Variants in CCDC192 observed in about 807,000 individuals in gnomAD.
CCDC192 encodes the protein coiled-coil domain-containing protein 192.
At position 127,927,920 on chromosome 5, in the gene CCDC192, C is replaced by G. The variant is rs115631355; in HGVS notation, c.536-13262C>G. On this transcript the variant is annotated intron_variant, in intron 6 of 6. Transcript: ENST00000514853. ...TAACAGTAGCTTAAAATGACACAAA[C>G]TTGTGATCTTATAGTTCTTTTTTTT... Among the ~76,000 whole-genome samples the G allele has an allele frequency of 5.1e-3, 759 of 148,274 alleles. 8 individuals carry two copies. The highest frequency in any genetic ancestry group is 0.018 in the African/African-American group (726 of 40,508).
intron 5 of CCDC192, among the ~76,000 whole-genome samples, chr5:127,801,779 G>T (rs12520720): frequency 0.16 from 24,205 of 152,130 alleles, 4,314 homozygotes; most frequent in African/African-American, 0.42. Context: ...CAGAGTTCAT[G>T]TGAGCAAAGA....
intron 2 of CCDC192, among the ~76,000 whole-genome samples, chr5:127,735,315 G>GT (rs1371770632): frequency 7.1e-6 from 1 of 141,356 alleles, no homozygotes; most frequent in Non-Finnish European, 1.5e-5. Flanking sequence ...GTACCATGCT[G>GT]TTTTGGTTAC....
intron 5 of CCDC192, among the ~76,000 whole-genome samples, chr5:127,802,148 T>G (rs1757538054): frequency 6.6e-6 from 1 of 152,218 alleles, no homozygotes; most frequent in African/African-American, 2.4e-5. Flanking sequence ...TGACATTATC[T>G]GTTTATATAT....
intron 2 of CCDC192, among the ~76,000 whole-genome samples, chr5:127,746,833 A>G (rs868495360): frequency 1.3e-5 from 2 of 152,034 alleles, no homozygotes; most frequent in Non-Finnish European, 2.9e-5. Flanking sequence ...CCCTCCTCCC[A>G]TAGAATTCTG....
intron 6 of CCDC192, among the ~76,000 whole-genome samples, chr5:127,883,145 C>G (rs1158010177): frequency 6.6e-6 from 1 of 152,200 alleles, no homozygotes; most frequent in African/African-American, 2.4e-5. Context: ...TCCCTACTCT[C>G]TACTATGTCC....
chr5:127,842,129 T>C (rs1750318083), intron 5 of CCDC192, among the ~76,000 whole-genome samples: 1 of 152,274 alleles, frequency 6.6e-6, no homozygotes, highest in Non-Finnish European at 1.5e-5. Flanking sequence ...ATGCATTCCC[T>C]GCAGTGCCCC....
rs1757205895 is a variant in CCDC192, at chr5:127,797,135, G to A, written c.255G>A (p.Leu85=). 2.5e-6 allele frequency: 1 copy of A among 398,188 alleles called. No individual in the cohort carries two copies. Among genetic ancestry groups the A allele is most frequent in the Non-Finnish European group, 4.4e-6 (1 of 225,580 alleles). The allele number at this position is 398,188 out of a possible 1,614,324, so 24.7% of individuals were successfully genotyped here. The change falls in exon 4 of 7, where the codon CTG becomes CTA. Residue 85 remains leucine, a synonymous_variant. Transcript: ENST00000514853. ...TCTCTGAAGGAACAAAATCAAAACT[G>A]CTTGAACAAGTATCCCGGCTGGAGG... ...LSVSEGTKSK[L]LEQVSRLEEK...
intron 3 of CCDC192, among the ~76,000 whole-genome samples, chr5:127,778,747 GTTTCTTTTCT>G (rs922877739): frequency 4.6e-5 from 7 of 151,940 alleles, no homozygotes; most frequent in African/African-American, 1.7e-4. Flanking sequence ...TGGGAGTTTT[GTTTCTTTTCT>G]TTTCTTTTCT....
intron 5 of CCDC192, among the ~76,000 whole-genome samples, chr5:127,855,546 C>T (rs373558735): frequency 1.1e-4 from 16 of 152,176 alleles, no homozygotes; most frequent in Admixed American, 3.3e-4. Flanking sequence ...CCATGAATCA[C>T]GAGTGTTCTT....
chr5:127,893,836 A>C (rs982255690), intron 6 of CCDC192, among the ~76,000 whole-genome samples: 9 of 152,252 alleles, frequency 5.9e-5, no homozygotes, highest in African/African-American at 2.2e-4. Context: ...CTATTTTTAA[A>C]AATTCAGCAA....
At chr5:127,786,451 T>A in intron 3 of CCDC192, 1 of 627,924 alleles carries the variant, frequency 1.6e-6, no homozygotes, top group Non-Finnish European at 3.0e-6. Flanking sequence ...ACAACTCCAC[T>A]CACAGTTTTG....
At chr5:127,931,809 T>TCTA (rs1423148772) in intron 6 of CCDC192, among the ~76,000 whole-genome samples, 1 of 152,088 alleles carries the variant, frequency 6.6e-6, no homozygotes, top group Non-Finnish European at 1.5e-5. Flanking sequence ...AATCCTAGAT[T>TCTA]GGGAAGACAT....
intron 3 of CCDC192, among the ~76,000 whole-genome samples, chr5:127,763,170 T>C (rs1172377020): frequency 6.6e-6 from 1 of 152,178 alleles, no homozygotes; most frequent in South Asian, 2.1e-4. Flanking sequence ...TTATGTATAC[T>C]GAACAGCTCC....
At chr5:127,932,331 A>G (rs968762888) in intron 6 of CCDC192, among the ~76,000 whole-genome samples, 6 of 151,796 alleles carry the variant, frequency 4.0e-5, no homozygotes, top group Non-Finnish European at 5.9e-5. Flanking sequence ...CAGCCTCCCA[A>G]CTAGCTGGGA....
chr5:127,884,433 A>G (rs1056894444), intron 6 of CCDC192, among the ~76,000 whole-genome samples: 29 of 150,694 alleles, frequency 1.9e-4, no homozygotes, highest in Non-Finnish European at 4.4e-5. Flanking sequence ...TATCATTACC[A>G]TATATTCTTT....
In CCDC192 at chr5:127,875,617, A is replaced by T. The variant is rs781718072; in HGVS notation, c.491A>T (p.Asn164Ile). 2.5e-6 allele frequency: 1 copy of T among 398,640 alleles called. No individual in the cohort carries two copies. The highest frequency in any genetic ancestry group is 4.4e-6 in the Non-Finnish European group (1 of 225,982). The allele number at this position is 398,640 out of a possible 1,614,324, so 24.7% of individuals were successfully genotyped here. A position where few individuals can be genotyped will look rare whatever the true frequency, so the allele number is the denominator to read the frequency against. ...AATGCCATCACAGTTCTGGAACTCA[A>T]TGAGAAGATAAAGACTCTATATGAA... The part of the protein sequence containing the change: ...TANAITVLEL[N>I]EKIKTLYEGK... The change falls in exon 6 of 7, where the codon AAT becomes ATT. Residue 164 changes from asparagine (N) to isoleucine (I), a missense_variant. Physicochemically the swap from Asn to Ile is moderately radical, Grantham distance 149 (BLOSUM62 -3). Coordinates refer to ENST00000514853, the MANE Select transcript of CCDC192 (RefSeq NM_001317938.2).
chr5:127,755,165 A>G (rs1267668367), intron 3 of CCDC192, among the ~76,000 whole-genome samples: 1 of 152,158 alleles, frequency 6.6e-6, no homozygotes, highest in Non-Finnish European at 1.5e-5. Context: ...AGGCCCTGCA[A>G]TGTTAGAAAT....
At chr5:127,754,875 T>C (rs1006395670) in intron 3 of CCDC192, among the ~76,000 whole-genome samples, 1 of 152,132 alleles carries the variant, frequency 6.6e-6, no homozygotes, top group African/African-American at 2.4e-5. Context: ...AAGCAGCAGG[T>C]GATAAGTGGA....
chr5:127,810,703 A>G (rs898190731), intron 5 of CCDC192, among the ~76,000 whole-genome samples: 1 of 152,206 alleles, frequency 6.6e-6, no homozygotes, highest in Non-Finnish European at 1.5e-5. Context: ...CTAATAGAAT[A>G]ATAAATGTCC....
Sources: allele counts gnomAD v4.1 joint callset (sites outside exome capture counted in the v4.1 genomes callset), GRCh38; gene constraint gnomAD v4.1.1; transcripts MANE v1.5; gene names NCBI Gene and HGNC (gene_info 2026-07-23, HGNC 2026-07-21).